The following KIF15 variants were observed in gnomAD, a reference collection of about 807,000 sequenced individuals.
KIF15 encodes the protein kinesin family member 15.
A neutral mutation model predicts 190.6 loss-of-function variants in KIF15; 140 were observed. The observed-to-expected ratio is 0.73, with a 90% CI of 0.64 to 0.84. The LOEUF is 0.84. Ranked by LOEUF, KIF15 falls within the 40% of genes least tolerant of loss-of-function variation. The probability of loss-of-function intolerance (pLI) is 0.00; values close to 1 mark genes in which losing one functional copy is unlikely to be tolerated. For synonymous variants in KIF15, 528 were observed against 551.3 expected (o/e 0.96, Z 0.59); for missense variants, 1,372 against 1,584.4 (o/e 0.87, Z 2.28).
chr3:44,854,372 GAAA>G (rs5848712), downstream of KIF15, among the ~76,000 whole-genome samples: 6 of 102,956 alleles, frequency 5.8e-5, no homozygotes, highest in Admixed American at 2.0e-4. Flanking sequence ...GCAACAGAGT[GAAA>G]AAAAAAAAAA....
chr3:44,775,399 T>G lies in KIF15; in HGVS notation c.208T>G (p.Phe70Val). Residue 70 changes from phenylalanine to valine, a missense_variant, in exon 3 of 35, where the codon TTC becomes GTC. Transcript: ENST00000326047. ...RLHSNPEPKT[F>V]TFDHVADVDT... ...GCACTCCAACCCTGAGCCCAAGACC[T>G]TCACGTTTGATCATGTTGCAGATGT... 1 of 1,613,596 alleles carries G rather than the reference T, an allele frequency of 6.2e-7. No homozygotes were observed. The highest frequency in any genetic ancestry group is 1.1e-5 in the South Asian group (1 of 91,038).
chr3:44,826,129 AC>A lies in KIF15; in HGVS notation c.2641del (p.Leu881PhefsTer15). On this transcript the variant is annotated frameshift_variant, in exon 21 of 35. Coordinates refer to ENST00000326047, the MANE Select transcript of KIF15 (RefSeq NM_020242.3). LOFTEE classifies it high-confidence loss of function. ...QEIMKFEIDQLSRNLQNFKKE... is the reference protein window; with the variant it reads ...QEIMKFEIDQXSRNLQNFKKE... ...AAATAATGAAATTTGAGATTGACCA[AC>A]TTTCAAGAAACCTCCAAAACTTCAA... is the stretch of plus-strand genomic sequence containing the variant. 3.1e-6 allele frequency: 5 copies of A among 1,587,820 alleles called. No individual in the cohort carries two copies. Among genetic ancestry groups the A allele is most frequent in the Admixed American group, 2.0e-5 (1 of 50,998 alleles).
chr3:44,862,309 G>C (rs1439913085), intron 6 of KIF15: 1 of 195,946 alleles, frequency 5.1e-6, no homozygotes, highest in East Asian at 1.8e-4. Flanking sequence ...CAGCTGGGGT[G>C]GCAGAGAGTG....
intron 10 of KIF15, 27 bp from the exon 11 acceptor site, chr3:44,800,287 A>C: frequency 6.2e-7 from 1 of 1,609,356 alleles, no homozygotes. Context: ...GCATTATTTT[A>C]ATGCTTTTTA....
At chr3:44,770,257 C>G (rs1200478965) in intron 1 of KIF15, among the ~76,000 whole-genome samples, 9 of 152,134 alleles carry the variant, frequency 5.9e-5, no homozygotes, top group Admixed American at 5.9e-4. Context: ...AGACTTTGGT[C>G]TTATACTTGG....
At chr3:44,806,118 T>C in intron 16 of KIF15, 132 bp downstream of exon 16, 3 of 978,400 alleles carry the variant, frequency 3.1e-6, no homozygotes, top group Non-Finnish European at 4.5e-6. Flanking sequence ...GGTGTCACAC[T>C]GGTCTTTGGG....
chr3:44,785,895 T>G (rs1396210302), intron 6 of KIF15, among the ~76,000 whole-genome samples: 1 of 152,138 alleles, frequency 6.6e-6, no homozygotes, highest in African/African-American at 2.4e-5. Flanking sequence ...GCACCACAGT[T>G]TGATGCAGCT....
At chr3:44,864,912 T>G (rs1485291086) in intron 6 of KIF15, 1 of 1,256,812 alleles carries the variant, frequency 8.0e-7, no homozygotes, top group Non-Finnish European at 1.1e-6. Context: ...GACAGCTAGG[T>G]TTCAAGCCCA....
intron 21 of KIF15, 31 bp from the exon 22 acceptor site, chr3:44,826,344 C>G: frequency 6.3e-7 from 1 of 1,590,224 alleles, no homozygotes; most frequent in East Asian, 2.2e-5. Context: ...TTGCTAGTAA[C>G]AGTTACTTAA....
intron 22 of KIF15, 97 bp from the exon 23 acceptor site, chr3:44,827,362 C>A: frequency 1.2e-6 from 1 of 845,516 alleles, no homozygotes; most frequent in South Asian, 1.6e-5. Flanking sequence ...GTGTGCCTAA[C>A]AAAGTTCATT....
Position 44,805,051 on chromosome 3 carries a change from C to T in KIF15, c.1712C>T (p.Ala571Val). 1 of 1,612,506 alleles carries T rather than the reference C, an allele frequency of 6.2e-7. No homozygotes were observed. Among genetic ancestry groups the T allele is most frequent in the South Asian group, 1.1e-5 (1 of 90,774 alleles). Residue 571 changes from alanine (A) to valine (V), a missense_variant, in exon 15 of 35, where the codon GCT becomes GTT. By Grantham distance (64) the Ala-to-Val change is moderately conservative (BLOSUM62 0). Coordinates refer to ENST00000326047, the MANE Select transcript of KIF15 (RefSeq NM_020242.3). The part of the protein sequence containing the change: ...DKNQQGFSPK[A>V]QKEPCLFANT... Reference sequence around the variant, plus strand: ...GATCAGCAAGGATTTTCACCTAAAGCTCAGAAAGAGCCATGTTTGTTTGCA... The same window carrying T: ...GATCAGCAAGGATTTTCACCTAAAGTTCAGAAAGAGCCATGTTTGTTTGCA...
At chr3:44,860,764 T>C (rs561253325) in intron 6 of KIF15, among the ~76,000 whole-genome samples, 1 of 152,310 alleles carries the variant, frequency 6.6e-6, no homozygotes, top group Non-Finnish European at 1.5e-5. Context: ...AAACAGAAGA[T>C]ACAAAAAGAA....
At chr3:44,813,621 G>C (rs1575630204) in intron 19 of KIF15, among the ~76,000 whole-genome samples, 1 of 129,344 alleles carries the variant, frequency 7.7e-6, no homozygotes, top group Non-Finnish European at 1.6e-5. Flanking sequence ...TTTTTGTTTT[G>C]TTTGTTTTGT....
At chr3:44,827,367 T>A (rs1697723115) in intron 22 of KIF15, 92 bp from the exon 23 acceptor site, 1 of 882,498 alleles carries the variant, frequency 1.1e-6, no homozygotes, top group East Asian at 2.5e-5. Flanking sequence ...CCTAACAAAG[T>A]TCATTTGCAC....
At chr3:44,800,085 G>T (rs1707193754) in intron 10 of KIF15, among the ~76,000 whole-genome samples, 1 of 152,144 alleles carries the variant, frequency 6.6e-6, no homozygotes, top group South Asian at 2.1e-4. Flanking sequence ...CTGGGGGGCA[G>T]AGAGCCTGGC....
intron 6 of KIF15, chr3:44,865,106 A>G: frequency 2.5e-6 from 4 of 1,614,006 alleles, no homozygotes; most frequent in Non-Finnish European, 3.4e-6. Flanking sequence ...AGTGTTCCTT[A>G]TTCTCTGCGG....
chr3:44,770,499 C>T (rs1005817512), intron 1 of KIF15, among the ~76,000 whole-genome samples: 5 of 152,074 alleles, frequency 3.3e-5, no homozygotes, highest in Admixed American at 6.5e-5. Context: ...TCTTACTCAC[C>T]GCAGATTAGG....
intron 4 of KIF15, 114 bp downstream of exon 4, chr3:44,778,305 T>C: frequency 1.2e-6 from 1 of 834,864 alleles, no homozygotes; most frequent in Non-Finnish European, 2.1e-6. Flanking sequence ...TGTATTATGT[T>C]ACAGTTCTGT....
intron 1 of KIF15, among the ~76,000 whole-genome samples, chr3:44,766,807 CTTTTTTTTTTTT>C (rs766382105): frequency 8.4e-6 from 1 of 118,544 alleles, no homozygotes; most frequent in African/African-American, 3.1e-5. Flanking sequence ...TTCTTTCTTT[CTTTTTTTTTTTT>C]TTTTTTTTTG....
Sources: allele counts gnomAD v4.1 joint callset (sites outside exome capture counted in the v4.1 genomes callset), GRCh38; gene constraint gnomAD v4.1.1; transcripts MANE v1.5; gene names NCBI Gene and HGNC (gene_info 2026-07-23, HGNC 2026-07-21).